Variants in GUCY2C observed in about 807,000 individuals in gnomAD.
The protein encoded by GUCY2C is guanylyl cyclase C.
GUCY2C carries 118 observed loss-of-function variants against 131.1 expected under a neutral mutation model. The ratio of observed to expected loss-of-function variants is 0.90; its 90% CI spans 0.78 to 1.05. The LOEUF (loss-of-function observed/expected upper bound fraction) is 1.05. Ranked by LOEUF, GUCY2C falls within the 50% of genes least tolerant of loss-of-function variation. The pLI is 0.00. For missense variants in GUCY2C, 1,161 were observed against 1,304.4 expected, an observed-to-expected ratio of 0.89 and a Z score of 1.69; for synonymous variants, 452 against 457.8, an observed-to-expected ratio of 0.99 and a Z score of 0.16.
Position 14,688,049 on chromosome 12 carries a change from CA to C in GUCY2C, c.231del (p.Val78Ter), listed in dbSNP as rs1343593090. ...GRLQNAGLNV[T>X]VNATFMYSDG... ...TCCGAATACATGAAAGTAGCGTTCA[CA>C]GTCACATTTAGGCCTGTCGCCCAGA... On this transcript the variant is annotated frameshift_variant, in exon 2 of 27. Transcript: ENST00000261170. LOFTEE classifies it high-confidence loss of function. The C allele has an allele frequency of 3.1e-6, 5 of 1,611,352 alleles. No individual in the cohort carries two copies. The African/African-American group carries it at 6.7e-5, about 22-fold the overall frequency.
intron 19 of GUCY2C, among the ~76,000 whole-genome samples, chr12:14,631,129 T>C (rs945515039): frequency 6.6e-6 from 1 of 152,198 alleles, no homozygotes; most frequent in African/African-American, 2.4e-5. Flanking sequence ...ATAAAACTCA[T>C]CTGGCAGTGT....
chr12:14,693,146 C>A (rs931100650), intron 1 of GUCY2C, among the ~76,000 whole-genome samples: 2 of 152,156 alleles, frequency 1.3e-5, no homozygotes, highest in Non-Finnish European at 2.9e-5. Flanking sequence ...CTCTCTACCC[C>A]ACAATGATAT....
intron 16 of GUCY2C, among the ~76,000 whole-genome samples, chr12:14,644,169 T>G (rs997193928): frequency 1.3e-5 from 2 of 148,458 alleles, no homozygotes; most frequent in Non-Finnish European, 1.5e-5. Flanking sequence ...TTTGAAGCAA[T>G]GTTTCATTCA....
chr12:14,633,372 G>A (rs183723087), intron 19 of GUCY2C, among the ~76,000 whole-genome samples: 199 of 152,264 alleles, frequency 1.3e-3, no homozygotes, highest in African/African-American at 4.4e-3. Context: ...AAGCCAAAGT[G>A]CCTCACCCAA....
At chr12:14,670,231 GA>G (rs1302720638) in intron 9 of GUCY2C, among the ~76,000 whole-genome samples, 1 of 152,058 alleles carries the variant, frequency 6.6e-6, no homozygotes, top group Non-Finnish European at 1.5e-5. Context: ...AGTTGCTTTT[GA>G]AAAAAGCTCT....
At chr12:14,665,380 T>C (rs894934888) in intron 10 of GUCY2C, among the ~76,000 whole-genome samples, 3 of 151,806 alleles carry the variant, frequency 2.0e-5, no homozygotes, top group Non-Finnish European at 4.4e-5. Flanking sequence ...TTTAAGGAAG[T>C]AGGGAGGAAG....
chr12:14,660,594 A>C (rs1442678591), intron 11 of GUCY2C, among the ~76,000 whole-genome samples: 1 of 152,220 alleles, frequency 6.6e-6, no homozygotes, highest in Non-Finnish European at 1.5e-5. Context: ...TAACAGCATA[A>C]TAAAAATAAC....
At chr12:14,633,479 A>G (rs1947197895) in intron 19 of GUCY2C, among the ~76,000 whole-genome samples, 1 of 152,214 alleles carries the variant, frequency 6.6e-6, no homozygotes, top group South Asian at 2.1e-4. Flanking sequence ...ATGCACAGAT[A>G]TCAACATAAA....
chr12:14,614,715 G>T lies in GUCY2C; in HGVS notation c.3047+152C>A, dbSNP rs570087179. 1.4e-5 allele frequency: 8 copies of T among 583,556 alleles called. No homozygotes were observed. In the African/African-American group the frequency reaches 1.4e-4, roughly 10 times the overall value. The allele number at this position is 583,556 out of a possible 1,614,324, so 36.1% of individuals were successfully genotyped here. A position where few individuals can be genotyped will look rare whatever the true frequency, so the allele number is the denominator to read the frequency against. On this transcript the variant is annotated intron_variant, in intron 26 of 26. Transcript: ENST00000261170. Reference sequence around the variant, plus strand: ...GGATAATCCCCTTCTTGCAGTCTAGGAAGGGAGGTTTCTAAACCTTCTCAT... The same window carrying T: ...GGATAATCCCCTTCTTGCAGTCTAGTAAGGGAGGTTTCTAAACCTTCTCAT...
intron 1 of GUCY2C, among the ~76,000 whole-genome samples, chr12:14,691,449 TGA>T (rs1453365531): frequency 6.6e-6 from 1 of 152,082 alleles, no homozygotes; most frequent in Non-Finnish European, 1.5e-5. Context: ...ACAGAATGAA[TGA>T]GGCTACAGTG....
Position 14,656,550 on chromosome 12 carries a change from G to A in GUCY2C, c.1432C>T (p.Pro478Ser). 6.2e-7 allele frequency: 1 copy of A among 1,601,438 alleles called. No individual in the cohort carries two copies. Among genetic ancestry groups the A allele is most frequent in the Non-Finnish European group, 8.6e-7 (1 of 1,168,604 alleles). ...WSHIPPENIF[P>S]LETNETNHVS... ...TGATTGGTCTCATTGGTCTCCAGAG[G>A]AAAGATATTTTCAGGAGGAATGTGG... Residue 478 changes from proline (P) to serine (S), a missense_variant, in exon 12 of 27, where the codon CCT becomes TCT. By Grantham distance (74) the Pro-to-Ser change is moderately conservative. Transcript: ENST00000261170.
intron 20 of GUCY2C, among the ~76,000 whole-genome samples, chr12:14,626,654 A>G (rs1207398543): frequency 6.6e-6 from 1 of 152,220 alleles, no homozygotes; most frequent in Admixed American, 6.5e-5. Flanking sequence ...TTAAAATATG[A>G]TGGGACAATG....
Position 14,674,562 on chromosome 12 carries a change from A to C in GUCY2C, c.1084+63T>G, listed in dbSNP as rs763833369. 1.3e-5 allele frequency: 20 copies of C among 1,509,338 alleles called. 1 individual carries two copies. In the South Asian group the frequency reaches 2.3e-4, roughly 17 times the overall value. The allele number at this position is 1,509,338 out of a possible 1,614,324, so 93.5% of individuals were successfully genotyped here. ...ATTGCTAAACCTTCTTTGTTGCCCC[A>C]AATCCACTCAGAAAGCCTACATTTC... On this transcript the variant is annotated intron_variant, in intron 8 of 26. Transcript: ENST00000261170.
chr12:14,656,638 G>A (rs1393545643), intron 11 of GUCY2C, 21 bp from the exon 12 acceptor site: 1 of 1,179,808 alleles, frequency 8.5e-7, no homozygotes, highest in South Asian at 1.2e-5. Flanking sequence ...AATAAAACTG[G>A]TCAATAGGTT....
intron 19 of GUCY2C, among the ~76,000 whole-genome samples, chr12:14,636,450 T>G (rs946334178): frequency 6.6e-6 from 1 of 152,018 alleles, no homozygotes; most frequent in Non-Finnish European, 1.5e-5. Context: ...ATAGAAGGAA[T>G]ATATCTCAAC....
intron 10 of GUCY2C, among the ~76,000 whole-genome samples, chr12:14,664,547 T>C (rs1947931488): frequency 6.6e-6 from 1 of 152,102 alleles, no homozygotes; most frequent in African/African-American, 2.4e-5. Context: ...TAATTAAACA[T>C]GCTTTTCAGT....
intron 21 of GUCY2C, among the ~76,000 whole-genome samples, chr12:14,623,203 C>T (rs1946929692): frequency 6.6e-6 from 1 of 152,214 alleles, no homozygotes; most frequent in South Asian, 2.1e-4. Flanking sequence ...TTCAGTCCCA[C>T]CCATCAGTCT....
intron 19 of GUCY2C, among the ~76,000 whole-genome samples, chr12:14,637,570 T>C (rs1422332495): frequency 2.0e-5 from 3 of 152,104 alleles, no homozygotes; most frequent in African/African-American, 4.8e-5. Context: ...AAACAACCTG[T>C]TACTGGCACA....
chr12:14,671,716 C>G (rs1420900355), intron 9 of GUCY2C, among the ~76,000 whole-genome samples: 2 of 152,192 alleles, frequency 1.3e-5, no homozygotes, highest in Non-Finnish European at 2.9e-5. Context: ...GACATTAGAT[C>G]TCACACGTTT....
Sources: gnomAD v4.1 joint callset for allele counts (sites outside exome capture counted in the v4.1 genomes callset) on GRCh38, gnomAD v4.1.1 for gene constraint, MANE v1.5 for transcripts, NCBI Gene and HGNC (gene_info 2026-07-23, HGNC 2026-07-21) for gene names.